Variants in C8orf34 observed in about 807,000 individuals in gnomAD.
C8orf34 encodes uncharacterized protein C8orf34.
Under a neutral mutation model 68.3 loss-of-function variants are expected in C8orf34, and 65 were observed. The observed-to-expected ratio is 0.95, with a 90% confidence interval of 0.78 to 1.17. The LOEUF (loss-of-function observed/expected upper bound fraction) is 1.17, where lower values mean the gene tolerates loss of function less well. Ranked by LOEUF, C8orf34 falls within the 50% of genes most tolerant of loss-of-function variation. The pLI is 0.00. For synonymous variants in C8orf34, 244 were observed against 241.2 expected (o/e 1.01, Z -0.11); for missense variants, 664 against 655.4 (o/e 1.01, Z -0.14).
chr8:68,346,196 C>T (rs1330436760), intron 1 of C8orf34, among the ~76,000 whole-genome samples: 1 of 151,694 alleles, frequency 6.6e-6, no homozygotes, highest in African/African-American at 2.4e-5. Flanking sequence ...ATACTAATTT[C>T]CCATATTAGA....
intron 1 of C8orf34, among the ~76,000 whole-genome samples, chr8:68,346,579 CCT>C (rs1806293502): frequency 6.6e-6 from 1 of 151,966 alleles, no homozygotes; most frequent in African/African-American, 2.4e-5. Context: ...GTCCTAAAAT[CCT>C]CTGTGTTTTT....
intron 5 of C8orf34, among the ~76,000 whole-genome samples, chr8:68,495,724 G>T (rs141084959): frequency 1.3e-5 from 2 of 152,348 alleles, no homozygotes; most frequent in African/African-American, 4.8e-5. Flanking sequence ...AAGTGGAGGA[G>T]CTAGAACTGA....
chr8:68,405,942 A>G (rs1333907761), intron 1 of C8orf34, among the ~76,000 whole-genome samples: 2 of 152,238 alleles, frequency 1.3e-5, no homozygotes, highest in Non-Finnish European at 2.9e-5. Context: ...GCATACAAAA[A>G]GAGTTTGCTA....
intron 12 of C8orf34, among the ~76,000 whole-genome samples, chr8:68,811,319 C>T (rs1323295602): frequency 6.6e-6 from 1 of 152,216 alleles, no homozygotes; most frequent in Non-Finnish European, 1.5e-5. Context: ...GGCCAGGCAG[C>T]GGGAGCAGTC....
At chr8:68,675,055 A>G (rs368099360) in intron 8 of C8orf34, among the ~76,000 whole-genome samples, 74 of 152,122 alleles carry the variant, frequency 4.9e-4, no homozygotes, top group African/African-American at 1.7e-3. Flanking sequence ...TATCTGGCAA[A>G]TATATCATTC....
chr8:68,737,493 C>T (rs1318284432), intron 10 of C8orf34, among the ~76,000 whole-genome samples: 2 of 151,938 alleles, frequency 1.3e-5, no homozygotes, highest in African/African-American at 4.8e-5. Context: ...AATAAAGAAC[C>T]AAGGCCCATT....
At chr8:68,693,201 G>A (rs1434158283) in intron 8 of C8orf34, among the ~76,000 whole-genome samples, 2 of 152,046 alleles carry the variant, frequency 1.3e-5, no homozygotes, top group Non-Finnish European at 1.5e-5. Flanking sequence ...GCATCAGTCT[G>A]TAAAGGAAGG....
intron 7 of C8orf34, among the ~76,000 whole-genome samples, chr8:68,592,792 A>T (rs1430637728): frequency 6.6e-6 from 1 of 151,858 alleles, no homozygotes; most frequent in Non-Finnish European, 1.5e-5. Context: ...TATTTTCAGT[A>T]GAGATGGGGT....
chr8:68,391,808 G>A (rs985132082), intron 1 of C8orf34, among the ~76,000 whole-genome samples: 10 of 152,210 alleles, frequency 6.6e-5, no homozygotes, highest in East Asian at 5.8e-4. Context: ...ATGACAGATC[G>A]TGCTCTGGCT....
intron 5 of C8orf34, among the ~76,000 whole-genome samples, chr8:68,492,310 A>G (rs993139733): frequency 1.3e-5 from 2 of 152,026 alleles, no homozygotes; most frequent in Admixed American, 1.3e-4. Context: ...GCTCACTGCA[A>G]TCTCGATCTC....
At position 68,794,505 on chromosome 8, in the gene C8orf34, A is replaced by ATTTTTTTT. The variant is rs57673879; in HGVS notation, c.1549+6980_1549+6987dup. On this transcript the variant is annotated intron_variant, in intron 12 of 13. Coordinates refer to ENST00000518698, the MANE Select transcript of C8orf34 (RefSeq NM_052958.4). ...TAAATATATATATATATATATATAT[A>ATTTTTTTT]TTTTTTTTTTTTTTTTTTAGACAGG... 4.2e-4 allele frequency among the ~76,000 whole-genome samples: 26 copies of ATTTTTTTT among 62,230 alleles called. 1 individual carries two copies. The highest frequency in any genetic ancestry group is 2.9e-3 in the African/African-American group (24 of 8,206). The allele number at this position is 62,230 out of a possible 152,430, so 40.8% of individuals were successfully genotyped here.
intron 3 of C8orf34, among the ~76,000 whole-genome samples, chr8:68,464,805 T>C (rs1201271403): frequency 1.3e-5 from 2 of 151,988 alleles, no homozygotes; most frequent in Non-Finnish European, 2.9e-5. Context: ...CAATTCAAGA[T>C]GGATTAAAGA....
chr8:68,346,265 AC>A (rs1224750078), intron 1 of C8orf34, among the ~76,000 whole-genome samples: 4 of 135,848 alleles, frequency 2.9e-5, no homozygotes, highest in African/African-American at 1.2e-4. Context: ...TAATCTCCCT[AC>A]CTTTTTTTTT....
chr8:68,449,490 C>A (rs960553353), intron 3 of C8orf34, among the ~76,000 whole-genome samples: 3 of 152,058 alleles, frequency 2.0e-5, no homozygotes, highest in African/African-American at 7.2e-5. Context: ...ATGAATGTAT[C>A]TATTCTGGAT....
Position 68,358,227 on chromosome 8 carries a change from G to T in C8orf34, c.327+26888G>T, listed in dbSNP as rs536138092. Among the ~76,000 whole-genome samples the T allele has an allele frequency of 3.9e-5, 6 of 152,050 alleles. No homozygotes were observed. The South Asian group carries it at 1.0e-3, about 26-fold the overall frequency. ...GCTTTCTTACTAAAAAGATTTGTTT[G>T]GCTCATTCTGGATTGCTTAGTGAGA... On this transcript the variant is annotated intron_variant, in intron 1 of 13. Coordinates refer to ENST00000518698, the MANE Select transcript of C8orf34 (RefSeq NM_052958.4).
intron 3 of C8orf34, among the ~76,000 whole-genome samples, chr8:68,464,355 G>A (rs1812002798): frequency 6.6e-6 from 1 of 152,108 alleles, no homozygotes; most frequent in Admixed American, 6.6e-5. Flanking sequence ...AATCAAGATC[G>A]TGAAAATGGC....
At chr8:68,378,880 A>T (rs16934524) in intron 1 of C8orf34, among the ~76,000 whole-genome samples, 5,511 of 152,290 alleles carry the variant, frequency 0.036, 190 homozygotes, top group African/African-American at 0.09. Context: ...AAAGTATGAA[A>T]TTTGAATCAA....
At chr8:68,686,543 G>A (rs1343837780) in intron 8 of C8orf34, among the ~76,000 whole-genome samples, 1 of 152,064 alleles carries the variant, frequency 6.6e-6, no homozygotes, top group Non-Finnish European at 1.5e-5. Context: ...CATCTCAATA[G>A]ATGCAATAAA....
chr8:68,783,633 G>A (rs1472262709), intron 11 of C8orf34, among the ~76,000 whole-genome samples: 1 of 151,702 alleles, frequency 6.6e-6, no homozygotes, highest in Non-Finnish European at 1.5e-5. Context: ...CCTGAGATCT[G>A]GAAGTCCCTC....
Sources: gnomAD v4.1 joint callset for allele counts (sites outside exome capture counted in the v4.1 genomes callset) on GRCh38, gnomAD v4.1.1 for gene constraint, MANE v1.5 for transcripts, NCBI Gene and HGNC (gene_info 2026-07-23, HGNC 2026-07-21) for gene names.